The following TPRG1 variants were observed in gnomAD, a reference collection of about 807,000 sequenced individuals.
TPRG1 encodes the protein tumor protein p63-regulated gene 1 protein.
TPRG1 carries 29 observed loss-of-function variants against 29.3 expected under a neutral mutation model. That is an observed-to-expected ratio of 0.99 (90% confidence interval 0.74 to 1.35). TPRG1 has a LOEUF of 1.35. Among genes scored for constraint, TPRG1 ranks in the 40% most tolerant of loss-of-function variants. The pLI is 0.00. For synonymous variants in TPRG1, 130 were observed against 116.8 expected (o/e 1.11, Z -0.73); for missense variants, 327 against 335.0 (o/e 0.98, Z 0.19).
chr3:189,259,171 G>A (rs771972048), intron 4 of TPRG1, among the ~76,000 whole-genome samples: 10 of 151,970 alleles, frequency 6.6e-5, no homozygotes, highest in Non-Finnish European at 8.8e-5. Context: ...TGTGAAGATC[G>A]TGGGGAAAGC....
intron 4 of TPRG1, among the ~76,000 whole-genome samples, chr3:189,034,162 G>A (rs914109325): frequency 7.9e-5 from 12 of 152,150 alleles, no homozygotes; most frequent in African/African-American, 2.9e-4. Context: ...GAAAAAAGGG[G>A]ACAAATAGAA....
At chr3:189,083,826 G>A (rs866098321) in intron 4 of TPRG1, among the ~76,000 whole-genome samples, 3 of 152,052 alleles carry the variant, frequency 2.0e-5, no homozygotes, top group African/African-American at 7.2e-5. Flanking sequence ...CTTTATCTCT[G>A]ATCTTCAGCT....
chr3:189,056,031 CCCTTCCTTCCTTCCTTCCTTCCTT>C (rs1192339496), intron 4 of TPRG1, among the ~76,000 whole-genome samples: 61 of 58,432 alleles, frequency 1.0e-3, no homozygotes, highest in African/African-American at 1.7e-3. Context: ...TTCCCTCCCT[CCCTTCCTTCCTTCCTTCCTTCCTT>C]CCTTCCTTCC....
chr3:189,049,354 G>A (rs1029015252), intron 4 of TPRG1, among the ~76,000 whole-genome samples: 6 of 152,218 alleles, frequency 3.9e-5, no homozygotes, highest in Admixed American at 6.5e-5. Context: ...TGGGAGCTGG[G>A]TGAGGCCTCT....
intron 3 of TPRG1, among the ~76,000 whole-genome samples, chr3:189,005,229 T>C (rs1159631488): frequency 6.6e-6 from 1 of 152,144 alleles, no homozygotes; most frequent in South Asian, 2.1e-4. Context: ...CGGCAGATCA[T>C]AAGCTGCTTG....
chr3:189,228,517 G>A (rs1738145394), intron 3 of TPRG1, among the ~76,000 whole-genome samples: 1 of 152,084 alleles, frequency 6.6e-6, no homozygotes, highest in Admixed American at 6.6e-5. Flanking sequence ...GTTAAATCAA[G>A]TAAATATATC....
rs1421712663 is a variant in TPRG1, at chr3:189,049,677, GC to G, written c.-463+25734del. On this transcript the variant is annotated intron_variant, in intron 4 of 10. Coordinates refer to the TPRG1 transcript ENST00000433971. Reference sequence around the variant, plus strand: ...GCTTTCTGGAAAGCGCCACCTCCTGGCCCAAGGCTAACCAGCACAAAAATAG... The same window carrying G: ...GCTTTCTGGAAAGCGCCACCTCCTGGCCAAGGCTAACCAGCACAAAAATAG... Among the ~76,000 whole-genome samples, 10 of 152,186 alleles carry G rather than the reference GC, an allele frequency of 6.6e-5. No individual in the cohort carries two copies. In the East Asian group the frequency reaches 1.9e-3, roughly 29 times the overall value.
In TPRG1 at chr3:189,306,535, G is replaced by T. The variant is rs150663644; in HGVS notation, c.480-3851G>T. ...GTTTTGTTTATGTCCAGTGATTCTG[G>T]TGTTTTTCCTTTCCCTGCCCCTTTT... On this transcript the variant is annotated intron_variant, in intron 4 of 5. Coordinates refer to ENST00000345063, the MANE Select transcript of TPRG1 (RefSeq NM_198485.4). Among the ~76,000 whole-genome samples the T allele has an allele frequency of 2.4e-3, 371 of 152,246 alleles. 1 individual carries two copies. The highest frequency in any genetic ancestry group is 8.7e-3 in the African/African-American group (361 of 41,542).
intron 4 of TPRG1, among the ~76,000 whole-genome samples, chr3:189,075,354 C>T (rs746810555): frequency 9.9e-5 from 15 of 152,166 alleles, no homozygotes; most frequent in Non-Finnish European, 1.8e-4. Context: ...AGGCTGTTCT[C>T]GAACTCCTGA....
intron 3 of TPRG1, among the ~76,000 whole-genome samples, chr3:189,146,479 G>A (rs1024985219): frequency 1.3e-5 from 2 of 152,188 alleles, no homozygotes; most frequent in African/African-American, 4.8e-5. Flanking sequence ...ATGTTGTTGG[G>A]AGTAGACTTT....
chr3:189,107,669 T>C (rs1719986213), intron 1 of TPRG1, among the ~76,000 whole-genome samples: 2 of 152,264 alleles, frequency 1.3e-5, no homozygotes, highest in East Asian at 3.9e-4. Context: ...AAGATCCTAT[T>C]ACAGTCACAT....
chr3:189,293,279 G>A (rs537132491), intron 4 of TPRG1, among the ~76,000 whole-genome samples: 21 of 152,232 alleles, frequency 1.4e-4, no homozygotes, highest in African/African-American at 5.1e-4. Flanking sequence ...GTTTGGACTG[G>A]AGGCTCTCCC....
rs1043742041 is a variant in TPRG1 at position 189,119,565 on chromosome 3, C to T, written c.-743-7492C>T. Among the ~76,000 whole-genome samples, 4 of 152,140 alleles carry T rather than the reference C, an allele frequency of 2.6e-5. No individual in the cohort carries two copies. In the East Asian group the frequency reaches 7.7e-4, roughly 29 times the overall value. On this transcript the variant is annotated intron_variant, in intron 1 of 6. Transcript: ENST00000412373. ...TGGAGTTGTAATAATCTCCACATGT[C>T]GTGGGAGGTACTCAGTGGGAGGTAA...
intron 3 of TPRG1, among the ~76,000 whole-genome samples, chr3:189,014,037 C>A (rs183098232): frequency 6.6e-6 from 1 of 152,230 alleles, no homozygotes; most frequent in African/African-American, 2.4e-5. Flanking sequence ...TGAATTTGAT[C>A]CTGCCATCAT....
intron 1 of TPRG1, among the ~76,000 whole-genome samples, chr3:189,111,577 A>G (rs1720531573): frequency 6.6e-6 from 1 of 152,132 alleles, no homozygotes; most frequent in African/African-American, 2.4e-5. Context: ...TTAGCCAGGG[A>G]CCATCTGCTA....
At chr3:189,185,177 G>A (rs1730749905) in intron 1 of TPRG1, among the ~76,000 whole-genome samples, 1 of 151,956 alleles carries the variant, frequency 6.6e-6, no homozygotes, top group African/African-American at 2.4e-5. Context: ...TTTCTTCTAT[G>A]ATTACTTGCT....
chr3:189,319,578 A>C (rs1015297974), intron 5 of TPRG1, among the ~76,000 whole-genome samples: 2 of 151,958 alleles, frequency 1.3e-5, no homozygotes, highest in Non-Finnish European at 2.9e-5. Flanking sequence ...CTACTGCTAC[A>C]CTGTCCAAGC....
chr3:189,161,101 G>A (rs1727415599), intron 5 of TPRG1, among the ~76,000 whole-genome samples: 1 of 152,248 alleles, frequency 6.6e-6, no homozygotes, highest in Non-Finnish European at 1.5e-5. Flanking sequence ...CTAGGGTAAT[G>A]TGTTCAAAGT....
intron 4 of TPRG1, among the ~76,000 whole-genome samples, chr3:189,272,713 C>CTCCT (rs59828840): frequency 0.34 from 45,048 of 132,342 alleles, 8,743 homozygotes; most frequent in Admixed American, 0.46. Context: ...TTCTTTCTTT[C>CTCCT]TCCTTCCTTC....
Sources: allele counts gnomAD v4.1 joint callset (sites outside exome capture counted in the v4.1 genomes callset), GRCh38; gene constraint gnomAD v4.1.1; transcripts MANE v1.5; gene names NCBI Gene and HGNC (gene_info 2026-07-23, HGNC 2026-07-21).